CCDC6: variants seen among roughly 807,000 people sequenced by gnomAD.
CCDC6 encodes the protein coiled-coil domain containing 6, also known as coiled-coil domain-containing protein 6.
In CCDC6, 20 loss-of-function variants were observed where a neutral mutation model predicts 56.6. The ratio of observed to expected loss-of-function variants is 0.35; its 90% confidence interval spans 0.25 to 0.51. The LOEUF (loss-of-function observed/expected upper bound fraction) is 0.51. Ranked by LOEUF, CCDC6 falls within the 20% of genes least tolerant of loss-of-function variation. The pLI, the probability that CCDC6 is intolerant of heterozygous loss-of-function variation, is 0.95. For missense variants in CCDC6, 367 were observed against 601.1 expected, an observed-to-expected ratio of 0.61 and a Z score of 4.07; for synonymous variants, 241 against 234.4, an observed-to-expected ratio of 1.03 and a Z score of -0.26.
At chr10:59,794,721 A>AT in intron 7 of CCDC6, 124 bp from the exon 8 acceptor site, 2 of 732,460 alleles carry the variant, frequency 2.7e-6, no homozygotes, top group Non-Finnish European at 4.6e-6. Flanking sequence ...GATGAAAAGA[A>AT]TGATGGGCTC....
Position 59,792,923 on chromosome 10 carries a change from C to T in CCDC6, c.1419G>A (p.Gln473=). 6.2e-7 allele frequency: 1 copy of T among 1,609,772 alleles called. No homozygotes were observed. Among genetic ancestry groups the T allele is most frequent in the Non-Finnish European group, 8.5e-7 (1 of 1,177,684 alleles). ...PSQHSAHPSS[Q]P Reference sequence around the variant, plus strand: ...TTCAGACTAAGCTCATGCATTAAGGCTGGGAGGAGGGGTGCGCCGAATGTT... The same window carrying T: ...TTCAGACTAAGCTCATGCATTAAGGTTGGGAGGAGGGGTGCGCCGAATGTT... The change falls in exon 9 of 9, where the codon CAG becomes CAA. Residue 473 remains glutamine, a synonymous_variant. Transcript: ENST00000263102.
chr10:59,807,612 G>C (rs2070637374), intron 5 of CCDC6, among the ~76,000 whole-genome samples: 1 of 152,168 alleles, frequency 6.6e-6, no homozygotes, highest in Non-Finnish European at 1.5e-5. Context: ...AAATATAAAA[G>C]GCAGTGTTGG....
At chr10:59,886,668 G>C (rs562631551) in intron 1 of CCDC6, among the ~76,000 whole-genome samples, 1 of 152,082 alleles carries the variant, frequency 6.6e-6, no homozygotes, top group South Asian at 2.1e-4. Flanking sequence ...TTTCACTGTG[G>C]CCAAAAAACA....
rs574109129 is a variant in CCDC6 at position 59,901,654 on chromosome 10, C to A, written c.303+4468G>T. Among the ~76,000 whole-genome samples the A allele has an allele frequency of 3.3e-4, 51 of 152,300 alleles. No homozygotes were observed. In the Middle Eastern group the frequency reaches 0.01, roughly 30 times the overall value. On this transcript the variant is annotated intron_variant, in intron 1 of 8. Transcript: ENST00000263102. ...CCTTGATTTCCAAACCAAACACATACCAAAGGTCTGAAACTGCCTGGAAGA... is the reference window on the plus strand; with the variant it reads ...CCTTGATTTCCAAACCAAACACATAACAAAGGTCTGAAACTGCCTGGAAGA...
rs2070474156 is a variant in CCDC6 at position 59,792,211 on chromosome 10, A to C, written c.*706T>G. On this transcript the variant is annotated 3_prime_UTR_variant, in exon 9 of 9. Coordinates refer to ENST00000263102, the MANE Select transcript of CCDC6 (RefSeq NM_005436.5). ...TTAAGTAGATTAACATTAAGGATAA[A>C]AAAGAGAATCACATCTTAATATACG... The C allele has an allele frequency of 3.8e-6, 1 of 260,938 alleles. No individual in the cohort carries two copies. The highest frequency in any genetic ancestry group is 2.2e-5 in the African/African-American group (1 of 45,480). 16.2% of individuals were successfully genotyped at this position (260,938 alleles called of 1,614,324 possible).
intron 1 of CCDC6, among the ~76,000 whole-genome samples, chr10:59,888,130 G>A (rs958927330): frequency 2.0e-5 from 3 of 152,186 alleles, no homozygotes; most frequent in South Asian, 2.1e-4. Flanking sequence ...TCCAGAAAAC[G>A]TGTCTGCACA....
intron 1 of CCDC6, 24 bp from the exon 2 acceptor site, chr10:59,852,726 G>T: frequency 1.4e-6 from 2 of 1,474,470 alleles, no homozygotes; most frequent in Non-Finnish European, 9.0e-7. Context: ...AAAAAGGAAA[G>T]AACAAAACAA....
rs540763040 is a variant in CCDC6 at position 59,823,870 on chromosome 10, A to T, written c.582+8655T>A. ...CAGACCTGTGCATTTCACAATTACA[A>T]CTAGAAAGTCTCAGTACAGTATCCC... On this transcript the variant is annotated intron_variant, in intron 3 of 8. Coordinates refer to ENST00000263102, the MANE Select transcript of CCDC6 (RefSeq NM_005436.5). Among the ~76,000 whole-genome samples, 25 of 152,344 alleles carry T rather than the reference A, an allele frequency of 1.6e-4. No homozygotes were observed. The South Asian group carries it at 3.1e-3, about 19-fold the overall frequency.
At chr10:59,814,551 A>C (rs2070697170) in intron 4 of CCDC6, 101 bp downstream of exon 4, 1 of 705,164 alleles carries the variant, frequency 1.4e-6, no homozygotes, top group African/African-American at 1.8e-5. Context: ...TGCATCACCA[A>C]AGAATTAAGG....
At chr10:59,884,056 T>C (rs1020678496) in intron 1 of CCDC6, among the ~76,000 whole-genome samples, 1 of 152,220 alleles carries the variant, frequency 6.6e-6, no homozygotes, top group African/African-American at 2.4e-5. Flanking sequence ...TCAACCAATC[T>C]GTAGATTCTT....
At chr10:59,905,209 C>T (rs1294905910) in intron 1 of CCDC6, among the ~76,000 whole-genome samples, 1 of 152,048 alleles carries the variant, frequency 6.6e-6, no homozygotes, top group African/African-American at 2.4e-5. Context: ...CTCATCACTG[C>T]TATAGGGGCC....
chr10:59,807,736 G>T (rs1016710491), intron 5 of CCDC6, among the ~76,000 whole-genome samples: 1 of 152,086 alleles, frequency 6.6e-6, no homozygotes, highest in Non-Finnish European at 1.5e-5. Context: ...TCTCTACATT[G>T]CCAGAGCTGG....
intron 6 of CCDC6, chr10:59,805,212 C>G (rs1261089271): frequency 6.6e-6 from 1 of 152,318 alleles, no homozygotes; most frequent in Non-Finnish European, 1.5e-5. Context: ...GGAGAAATTG[C>G]TGCTTGAGAG....
chr10:59,844,746 CAAAA>C (rs56232975), intron 2 of CCDC6, among the ~76,000 whole-genome samples: 3 of 124,524 alleles, frequency 2.4e-5, no homozygotes, highest in African/African-American at 2.8e-5. Context: ...AGACTATCTC[CAAAA>C]AAAAAAAAAA....
chr10:59,819,335 G>A (rs2070733802), intron 3 of CCDC6, among the ~76,000 whole-genome samples: 1 of 152,194 alleles, frequency 6.6e-6, no homozygotes, highest in Non-Finnish European at 1.5e-5. Context: ...GAAAAGAGCA[G>A]GGCCTCTTGT....
intron 1 of CCDC6, among the ~76,000 whole-genome samples, chr10:59,872,787 T>C (rs3099367): frequency 1.6e-4 from 11 of 69,424 alleles, no homozygotes; most frequent in South Asian, 6.3e-4. Flanking sequence ...GATGGGGGGG[T>C]GGGGGAAGGT....
intron 1 of CCDC6, among the ~76,000 whole-genome samples, chr10:59,896,379 C>A (rs1485617960): frequency 6.6e-6 from 1 of 152,178 alleles, no homozygotes; most frequent in Non-Finnish European, 1.5e-5. Context: ...CATCTGGGTG[C>A]TTACTGGCAC....
At chr10:59,902,389 T>C (rs953450907) in intron 1 of CCDC6, among the ~76,000 whole-genome samples, 7 of 3,560 alleles carry the variant, frequency 2.0e-3, no homozygotes. Flanking sequence ...ACAGTAACTC[T>C]TTTTTTTTTT....
chr10:59,888,028 A>G (rs1423688459), intron 1 of CCDC6, among the ~76,000 whole-genome samples: 2 of 152,234 alleles, frequency 1.3e-5, no homozygotes, highest in African/African-American at 4.8e-5. Context: ...CTCAAATGAA[A>G]TAATTTAGCT....
Sources: gnomAD v4.1 joint callset for allele counts (sites outside exome capture counted in the v4.1 genomes callset) on GRCh38, gnomAD v4.1.1 for gene constraint, MANE v1.5 for transcripts, NCBI Gene and HGNC (gene_info 2026-07-23, HGNC 2026-07-21) for gene names.